ABCC8: variants seen among roughly 807,000 people sequenced by gnomAD.
ABCC8 encodes ATP binding cassette subfamily C member 8.
A neutral mutation model predicts 188.0 loss-of-function variants in ABCC8; 137 were observed. The ratio of observed to expected loss-of-function variants is 0.73; its 90% CI spans 0.63 to 0.84. The LOEUF (loss-of-function observed/expected upper bound fraction) is 0.84. Ranked by LOEUF, ABCC8 falls within the 40% of genes least tolerant of loss-of-function variation. The pLI is 0.00. For synonymous variants in ABCC8, 797 were observed against 846.5 expected (o/e 0.94, Z 1.01); for missense variants, 1,750 against 2,072.7 (o/e 0.84, Z 3.02).
intron 16 of ABCC8, among the ~76,000 whole-genome samples, chr11:17,422,146 C>T (rs754467517): frequency 1.3e-5 from 2 of 152,196 alleles, no homozygotes; most frequent in Non-Finnish European, 2.9e-5. Context: ...GGGGGACTCT[C>T]AACACACAGC....
intron 16 of ABCC8, among the ~76,000 whole-genome samples, chr11:17,418,879 A>G (rs1955203992): frequency 6.6e-6 from 1 of 152,226 alleles, no homozygotes; most frequent in Non-Finnish European, 1.5e-5. Context: ...TAACAGATAT[A>G]TTAATCATTT....
chr11:17,399,515 T>C (rs1025483691), intron 29 of ABCC8, among the ~76,000 whole-genome samples: 2 of 152,150 alleles, frequency 1.3e-5, no homozygotes, highest in African/African-American at 4.8e-5. Flanking sequence ...TTGCTCTTCA[T>C]AAGGCTGGCT....
intron 35 of ABCC8, 166 bp from the exon 36 acceptor site, chr11:17,395,441 G>T (rs1953864908): frequency 6.8e-7 from 1 of 1,475,830 alleles, no homozygotes; most frequent in Non-Finnish European, 9.1e-7. Flanking sequence ...ACCCATGGGT[G>T]GGGGATCCCC....
At position 17,411,424 on chromosome 11, in the gene ABCC8, C is replaced by T. The variant is rs1360651193; in HGVS notation, c.2557-771G>A. On this transcript the variant is annotated intron_variant, in intron 21 of 38. Coordinates refer to ENST00000389817, the MANE Select transcript of ABCC8 (RefSeq NM_000352.6). ...ATCTCATGAGAGATCGCGAATGCAC[C>T]CATGCTTTGTAAAACGCTGTGTGTG... Among the ~76,000 whole-genome samples, 4 of 152,182 alleles carry T rather than the reference C, an allele frequency of 2.6e-5. No homozygotes were observed. In the East Asian group the frequency reaches 5.8e-4, roughly 22 times the overall value.
intron 6 of ABCC8, among the ~76,000 whole-genome samples, chr11:17,454,134 G>A (rs1219207888): frequency 2.0e-5 from 3 of 152,104 alleles, no homozygotes; most frequent in Non-Finnish European, 4.4e-5. Flanking sequence ...GCAGGGTGTG[G>A]GAGCTGCTGC....
chr11:17,405,744 G>T, intron 26 of ABCC8, 181 bp from the exon 27 acceptor site: 1 of 771,954 alleles, frequency 1.3e-6, no homozygotes, highest in Non-Finnish European at 1.6e-6. Flanking sequence ...GCCCAAAGGG[G>T]CGCTGGCCTT....
intron 10 of ABCC8, among the ~76,000 whole-genome samples, chr11:17,433,853 A>G (rs1344218778): frequency 6.6e-6 from 1 of 152,312 alleles, no homozygotes; most frequent in African/African-American, 2.4e-5. Context: ...CCAACATCAT[A>G]CATGCCTGTG....
chr11:17,401,643 C>T (rs1268354936), intron 29 of ABCC8, among the ~76,000 whole-genome samples: 2 of 152,158 alleles, frequency 1.3e-5, no homozygotes, highest in East Asian at 3.9e-4. Flanking sequence ...TAAAAATAAC[C>T]TATTATCACT....
chr11:17,459,985 A>T (rs1283318037), intron 6 of ABCC8, among the ~76,000 whole-genome samples: 1 of 152,190 alleles, frequency 6.6e-6, no homozygotes, highest in African/African-American at 2.4e-5. Context: ...GCTTTGAATG[A>T]AATTTGGAGT....
intron 1 of ABCC8, among the ~76,000 whole-genome samples, chr11:17,476,070 C>T (rs1848752602): frequency 6.6e-6 from 1 of 152,192 alleles, no homozygotes; most frequent in African/African-American, 2.4e-5. Context: ...AATCCAAGTC[C>T]CTAGCTCTCG....
At chr11:17,396,137 C>T in intron 33 of ABCC8, 1 of 1,205,320 alleles carries the variant, frequency 8.3e-7, no homozygotes, top group Non-Finnish European at 1.1e-6. Context: ...GACCGGCACG[C>T]AAGTGCAGGC....
Position 17,453,205 on chromosome 11 carries a change from G to A in ABCC8, c.1090C>T (p.Leu364Phe). The A allele has an allele frequency of 6.2e-7, 1 of 1,614,182 alleles. No individual in the cohort carries two copies. Among genetic ancestry groups the A allele is most frequent in the Non-Finnish European group, 8.5e-7 (1 of 1,180,038 alleles). Residue 364 changes from leucine to phenylalanine, a missense_variant, in exon 7 of 39, where the codon CTT becomes TTT. By Grantham distance (22) the Leu-to-Phe change is conservative. Coordinates refer to ENST00000389817, the MANE Select transcript of ABCC8 (RefSeq NM_000352.6). ...AATGTCCTTTGCAGTAGGAGGGCAA[G>A]GAACAGAAGCACAGCTAAGACGTAG... ...NAYVLAVLLFLALLLQRTFLQ... is the reference protein window; with the variant it reads ...NAYVLAVLLFFALLLQRTFLQ...
intron 3 of ABCC8, 39 bp downstream of exon 3, chr11:17,470,062 G>T: frequency 6.2e-7 from 1 of 1,605,932 alleles, no homozygotes; most frequent in South Asian, 1.1e-5. Flanking sequence ...CTGAAGAAAT[G>T]AATGAAGGTA....
At chr11:17,424,587 A>G (rs533695436) in intron 16 of ABCC8, among the ~76,000 whole-genome samples, 4 of 152,270 alleles carry the variant, frequency 2.6e-5, no homozygotes, top group Admixed American at 2.6e-4. Flanking sequence ...GGGGGAGGAG[A>G]AGAAAGCAGG....
intron 10 of ABCC8, among the ~76,000 whole-genome samples, chr11:17,441,804 G>C (rs2133591934): frequency 6.6e-6 from 1 of 152,292 alleles, no homozygotes; most frequent in Middle Eastern, 3.4e-3. Flanking sequence ...CTTTTGGGCT[G>C]GGCACAGTGG....
At chr11:17,435,893 C>CA (rs1956073257) in intron 10 of ABCC8, 2 of 1,340,728 alleles carry the variant, frequency 1.5e-6, no homozygotes. Context: ...AAATAAGACT[C>CA]AAAGTTCCCA....
Position 17,415,405 on chromosome 11 carries a change from C to T in ABCC8, c.2256-66G>A, listed in dbSNP as rs1328532584. On this transcript the variant is annotated intron_variant, in intron 17 of 38. Transcript: ENST00000389817. The stretch of plus-strand genomic sequence containing the variant: ...GTGAACCATATCCTCCAGGAAGATC[C>T]TGAGCTCCCTCCAACCCAACATGAG... The T allele has an allele frequency of 3.8e-6, 6 of 1,576,632 alleles. No individual in the cohort carries two copies. In the East Asian group the frequency reaches 9.1e-5, roughly 24 times the overall value.
chr11:17,416,266 G>C (rs564217008), intron 17 of ABCC8, among the ~76,000 whole-genome samples: 3 of 152,196 alleles, frequency 2.0e-5, no homozygotes, highest in African/African-American at 4.8e-5. Context: ...GGGGAGGGAA[G>C]GTTTTGAGGG....
Position 17,474,955 on chromosome 11 carries a change from C to A in ABCC8, c.221G>T (p.Arg74Leu), listed in dbSNP as rs72559734. The change falls in exon 2 of 39, where the codon CGG becomes CTG. Residue 74 changes from arginine to leucine, a missense_variant. Arg to Leu is a moderately radical substitution (Grantham distance 102). Coordinates refer to ENST00000389817, the MANE Select transcript of ABCC8 (RefSeq NM_000352.6). ...GAGCAGCATGAAGGTCAGGATCCAC[C>A]GCAGGTTGTGCCCAGGGAAATGAAG... ...TWLHFPGHNL[R>L]WILTFMLLFV... The A allele has an allele frequency of 6.2e-7, 1 of 1,614,184 alleles. No homozygotes were observed. The highest frequency in any genetic ancestry group is 2.2e-5 in the East Asian group (1 of 44,882).
Sources: gnomAD v4.1 joint callset for allele counts (sites outside exome capture counted in the v4.1 genomes callset) on GRCh38, gnomAD v4.1.1 for gene constraint, MANE v1.5 for transcripts, NCBI Gene and HGNC (gene_info 2026-07-23, HGNC 2026-07-21) for gene names.